Variants in LIN52 observed in about 807,000 individuals in gnomAD.
The protein encoded by LIN52 is protein lin-52 homolog.
A neutral mutation model predicts 18.5 loss-of-function variants in LIN52; 4 were observed. The ratio of observed to expected loss-of-function variants is 0.22; its 90% CI spans 0.11 to 0.49. The LOEUF (loss-of-function observed/expected upper bound fraction) is 0.49. Ranked by LOEUF, LIN52 falls within the 20% of genes least tolerant of loss-of-function variation. The pLI is 0.97. For missense variants in LIN52, 102 were observed against 139.5 expected, an observed-to-expected ratio of 0.73 and a Z score of 1.35; for synonymous variants, 34 against 45.5, an observed-to-expected ratio of 0.75 and a Z score of 1.02.
At chr14:74,194,960 C>T (rs538803045) in intron 5 of LIN52, among the ~76,000 whole-genome samples, 1 of 152,312 alleles carries the variant, frequency 6.6e-6, no homozygotes, top group Admixed American at 6.5e-5. Flanking sequence ...GCCTGGCCAA[C>T]ATGGTGAAAA....
intron 5 of LIN52, among the ~76,000 whole-genome samples, chr14:74,197,853 A>G (rs1013835880): frequency 6.6e-6 from 1 of 152,244 alleles, no homozygotes; most frequent in Non-Finnish European, 1.5e-5. Context: ...GAGGCCATTC[A>G]TCTAGCTCCA....
chr14:74,164,242 A>G (rs1473350363), intron 5 of LIN52, among the ~76,000 whole-genome samples: 2 of 151,742 alleles, frequency 1.3e-5, no homozygotes, highest in East Asian at 1.9e-4. Flanking sequence ...CGGCCTCCCA[A>G]AGTGCTGGGA....
chr14:74,108,147 T>C (rs2060908224), intron 5 of LIN52, among the ~76,000 whole-genome samples: 1 of 152,242 alleles, frequency 6.6e-6, no homozygotes, highest in Non-Finnish European at 1.5e-5. Context: ...GTGACTGGAT[T>C]CTTTCTGTTA....
intron 5 of LIN52, among the ~76,000 whole-genome samples, chr14:74,168,597 G>A (rs1370649853): frequency 6.6e-6 from 1 of 152,148 alleles, no homozygotes; most frequent in African/African-American, 2.4e-5. Context: ...GAACCCAGGA[G>A]GCGGAGCTTG....
At chr14:74,086,011 A>ATT (rs372157745) in intron 1 of LIN52, among the ~76,000 whole-genome samples, 51 of 148,184 alleles carry the variant, frequency 3.4e-4, no homozygotes, top group Non-Finnish European at 1.1e-4. Context: ...ACATATAAAC[A>ATT]TTTTTTTTTT....
At chr14:74,116,557 T>G (rs2060965837) in intron 5 of LIN52, among the ~76,000 whole-genome samples, 1 of 151,816 alleles carries the variant, frequency 6.6e-6, no homozygotes, top group Non-Finnish European at 1.5e-5. Flanking sequence ...AATACAAAAA[T>G]TAGTCACTCG....
At chr14:74,164,281 G>A (rs1389246307) in intron 5 of LIN52, among the ~76,000 whole-genome samples, 1 of 70,138 alleles carries the variant, frequency 1.4e-5, no homozygotes, top group Non-Finnish European at 3.2e-5. Flanking sequence ...GCGCCCAGCC[G>A]TTTTTGTTTT....
rs150354726 is a variant in LIN52 at position 74,143,261 on chromosome 14, A to C, written c.283+42023A>C. ...TCTCCTATCTTACTCTGACAGAAAC[A>C]GAATGAGCCTGGGCATAGTGGCTTA... is the stretch of plus-strand genomic sequence containing the variant. On this transcript the variant is annotated intron_variant, in intron 5 of 5. Coordinates refer to ENST00000555028, the MANE Select transcript of LIN52 (RefSeq NM_001024674.3). Among the ~76,000 whole-genome samples the C allele has an allele frequency of 1.6e-4, 25 of 152,344 alleles. No individual in the cohort carries two copies. The East Asian group carries it at 4.6e-3, about 28-fold the overall frequency.
At chr14:74,091,790 AAAAAAAAGTTCT>A (rs2060774036) in intron 2 of LIN52, among the ~76,000 whole-genome samples, 1 of 151,456 alleles carries the variant, frequency 6.6e-6, no homozygotes, top group South Asian at 2.1e-4. Flanking sequence ...AAAAAAAAAA[AAAAAAAAGTTCT>A]GATAACCCAT....
intron 5 of LIN52, among the ~76,000 whole-genome samples, chr14:74,145,466 G>A (rs1046649896): frequency 3.3e-5 from 5 of 152,172 alleles, no homozygotes; most frequent in African/African-American, 9.7e-5. Context: ...CACCTGATTT[G>A]TAGTAAAAGA....
At chr14:74,157,650 G>A (rs2061205416) in intron 5 of LIN52, among the ~76,000 whole-genome samples, 1 of 150,890 alleles carries the variant, frequency 6.6e-6, no homozygotes, top group South Asian at 2.1e-4. Flanking sequence ...TTTTTTTTCT[G>A]TGGAGATGGG....
intron 5 of LIN52, among the ~76,000 whole-genome samples, chr14:74,104,206 T>G (rs1157139467): frequency 6.6e-6 from 1 of 152,160 alleles, no homozygotes; most frequent in Non-Finnish European, 1.5e-5. Flanking sequence ...TGGCTACTGT[T>G]ATTTTTTAAA....
chr14:74,088,859 A>G (rs1304226809), intron 1 of LIN52, among the ~76,000 whole-genome samples: 3 of 152,244 alleles, frequency 2.0e-5, no homozygotes, highest in Admixed American at 1.3e-4. Flanking sequence ...AAACTCAACA[A>G]ATGTTAATAT....
At chr14:74,155,648 G>A (rs1240914485) in intron 5 of LIN52, among the ~76,000 whole-genome samples, 2 of 152,148 alleles carry the variant, frequency 1.3e-5, no homozygotes, top group Admixed American at 6.5e-5. Context: ...GTAGAAAATG[G>A]CAGCTTAGCT....
At chr14:74,188,771 T>C (rs955094087) in intron 5 of LIN52, among the ~76,000 whole-genome samples, 4 of 152,232 alleles carry the variant, frequency 2.6e-5, no homozygotes, top group Non-Finnish European at 2.9e-5. Context: ...ATTAGCATCA[T>C]GTTTAACCCA....
intron 5 of LIN52, among the ~76,000 whole-genome samples, chr14:74,138,682 G>A (rs938042642): frequency 6.6e-6 from 1 of 151,130 alleles, no homozygotes; most frequent in South Asian, 2.1e-4. Flanking sequence ...GAGTCCAAGA[G>A]TGAGGCTGCA....
chr14:74,145,783 T>G (rs921222604), intron 5 of LIN52, among the ~76,000 whole-genome samples: 3 of 152,216 alleles, frequency 2.0e-5, no homozygotes, highest in Non-Finnish European at 2.9e-5. Flanking sequence ...TTTTGTTTGT[T>G]TGTTTCTCGG....
rs71460959 is a variant in LIN52 at position 74,137,498 on chromosome 14, CTTTTT to C, written c.283+36274_283+36278del. ...GCACTAAATTCTTCACAGCAGCTCTCTTTTTTTTTTTTTTTTTTGAGATGGAGTCT... is the reference window on the plus strand; with the variant it reads ...GCACTAAATTCTTCACAGCAGCTCTCTTTTTTTTTTTTTGAGATGGAGTCT... On this transcript the variant is annotated intron_variant, in intron 5 of 5. Coordinates refer to ENST00000555028, the MANE Select transcript of LIN52 (RefSeq NM_001024674.3). Among the ~76,000 whole-genome samples, 11 of 111,602 alleles carry C rather than the reference CTTTTT, an allele frequency of 9.9e-5. 1 individual carries two copies. The East Asian group carries it at 2.0e-3, about 20-fold the overall frequency. The allele number at this position is 111,602 out of a possible 152,430, so 73.2% of individuals were successfully genotyped here.
At chr14:74,181,296 GA>G (rs944735363) in intron 5 of LIN52, among the ~76,000 whole-genome samples, 3 of 151,446 alleles carry the variant, frequency 2.0e-5, no homozygotes, top group African/African-American at 4.9e-5. Flanking sequence ...TTTTTAAGAA[GA>G]AAAAAAGCCG....
Sources: allele counts gnomAD v4.1 joint callset (sites outside exome capture counted in the v4.1 genomes callset), GRCh38; gene constraint gnomAD v4.1.1; transcripts MANE v1.5; gene names NCBI Gene and HGNC (gene_info 2026-07-23, HGNC 2026-07-21).